Variants in WDPCP observed in about 807,000 individuals in gnomAD.
WDPCP encodes the protein WD repeat containing planar cell polarity effector.
A neutral mutation model predicts 93.1 loss-of-function variants in WDPCP; 71 were observed. The observed-to-expected ratio is 0.76, with a 90% confidence interval of 0.63 to 0.93. The LOEUF (loss-of-function observed/expected upper bound fraction) is 0.93. Among genes scored for constraint, WDPCP ranks in the 40% least tolerant of loss-of-function variants. The probability of loss-of-function intolerance (pLI) is 0.00; values close to 1 mark genes in which losing one functional copy is unlikely to be tolerated. For synonymous variants in WDPCP, 315 were observed against 315.0 expected, an observed-to-expected ratio of 1.00 and a Z score of 0.00; for missense variants, 844 against 887.4, an observed-to-expected ratio of 0.95 and a Z score of 0.62.
intron 10 of WDPCP, among the ~76,000 whole-genome samples, chr2:63,387,407 A>G (rs1692830446): frequency 6.6e-6 from 1 of 152,154 alleles, no homozygotes; most frequent in Non-Finnish European, 1.5e-5. Context: ...TAGACACAGA[A>G]AAGGCTTTCA....
intron 3 of WDPCP, chr2:63,595,356 GAA>G: frequency 1.0e-6 from 1 of 990,758 alleles, no homozygotes; most frequent in Non-Finnish European, 1.6e-6. Flanking sequence ...AAAACTATGT[GAA>G]AAGACTTTCT....
At chr2:63,324,511 G>C (rs1223056631) in intron 12 of WDPCP, among the ~76,000 whole-genome samples, 3 of 152,124 alleles carry the variant, frequency 2.0e-5, no homozygotes, top group African/African-American at 7.2e-5. Flanking sequence ...GGCAGACCTG[G>C]GAAAGTTTTC....
chr2:63,485,419 G>A (rs1191865202), intron 4 of WDPCP, among the ~76,000 whole-genome samples: 3 of 148,746 alleles, frequency 2.0e-5, no homozygotes, highest in Non-Finnish European at 4.5e-5. Context: ...GAAATAAAAT[G>A]AAAAGAAATA....
At chr2:63,577,408 A>G (rs1166217144) in intron 1 of WDPCP, among the ~76,000 whole-genome samples, 1 of 152,206 alleles carries the variant, frequency 6.6e-6, no homozygotes, top group Non-Finnish European at 1.5e-5. Context: ...GAGTTTGCTG[A>G]ATGGAAATGA....
chr2:63,592,605 C>T (rs1024773867), upstream of WDPCP, among the ~76,000 whole-genome samples: 5 of 152,228 alleles, frequency 3.3e-5, no homozygotes, highest in East Asian at 1.9e-4. Flanking sequence ...CTTGTCCCCC[C>T]GCGCAATGCG....
intron 2 of WDPCP, among the ~76,000 whole-genome samples, chr2:63,787,364 G>GT (rs145307022): frequency 0.11 from 16,858 of 152,178 alleles, 1,606 homozygotes; most frequent in African/African-American, 0.27. Flanking sequence ...GCTTAAGCAA[G>GT]TAGAGTGGAA....
chr2:63,277,020 G>T (rs928230906), intron 13 of WDPCP, among the ~76,000 whole-genome samples: 3 of 152,098 alleles, frequency 2.0e-5, no homozygotes, highest in Admixed American at 2.0e-4. Flanking sequence ...TCAGAGTAAC[G>T]CATATTTCTC....
intron 2 of WDPCP, among the ~76,000 whole-genome samples, chr2:63,754,813 C>T (rs890636685): frequency 1.7e-4 from 26 of 152,238 alleles, no homozygotes; most frequent in African/African-American, 6.3e-4. Flanking sequence ...GCATAACAAA[C>T]TTAGCAGCTT....
At chr2:63,628,835 C>A (rs1709836006) in intron 3 of WDPCP, among the ~76,000 whole-genome samples, 1 of 152,176 alleles carries the variant, frequency 6.6e-6, no homozygotes, top group Admixed American at 6.5e-5. Flanking sequence ...AAAGTGCCTC[C>A]TAAGAACCCA....
At chr2:63,622,299 A>G (rs1276418235) in intron 3 of WDPCP, 1 of 1,600,856 alleles carries the variant, frequency 6.2e-7, no homozygotes, top group East Asian at 2.2e-5. Context: ...GGCTGTCTCA[A>G]GTGTTTTGGA....
At chr2:63,511,365 T>C (rs565912312) in intron 1 of WDPCP, among the ~76,000 whole-genome samples, 27 of 152,276 alleles carry the variant, frequency 1.8e-4, no homozygotes, top group African/African-American at 5.1e-4. Context: ...CAAGCTACCA[T>C]TGACTTTCTT....
intron 10 of WDPCP, among the ~76,000 whole-genome samples, chr2:63,385,433 C>A (rs750988841): frequency 6.6e-6 from 1 of 152,056 alleles, no homozygotes; most frequent in Non-Finnish European, 1.5e-5. Flanking sequence ...AACAGGATTG[C>A]AGGATACATA....
At chr2:63,584,076 C>G (rs537174522) in intron 1 of WDPCP, among the ~76,000 whole-genome samples, 1 of 152,230 alleles carries the variant, frequency 6.6e-6, no homozygotes, top group Admixed American at 6.5e-5. Context: ...AGGAGGATCA[C>G]TTGAGCCCAG....
chr2:63,448,430 A>G (rs1698005536), intron 6 of WDPCP, among the ~76,000 whole-genome samples: 1 of 95,848 alleles, frequency 1.0e-5, no homozygotes, highest in Non-Finnish European at 2.0e-5. Context: ...TTAATTAAAA[A>G]TACATCAACA....
intron 12 of WDPCP, among the ~76,000 whole-genome samples, chr2:63,325,059 A>G (rs919332363): frequency 3.3e-5 from 5 of 152,214 alleles, no homozygotes; most frequent in African/African-American, 1.2e-4. Context: ...CAGGCCCTAA[A>G]CAAAATCTGG....
intron 9 of WDPCP, among the ~76,000 whole-genome samples, chr2:63,414,264 T>C (rs1695236594): frequency 6.6e-6 from 1 of 152,148 alleles, no homozygotes. Flanking sequence ...TGGAAAACAG[T>C]GTGGAGATTC....
rs562622447 is a variant in WDPCP at position 63,616,468 on chromosome 2, C to A, written n.488+34191G>T. Among the ~76,000 whole-genome samples the A allele has an allele frequency of 2.0e-5, 3 of 152,156 alleles. No individual in the cohort carries two copies. In the South Asian group the frequency reaches 6.2e-4, roughly 31 times the overall value. ...TAGACCCTCACCTTAGCCTAATAGG[C>A]TAGATTTCTTTTTAACATGCAAAAG... On this transcript the variant is annotated intron_variant and non_coding_transcript_variant, in intron 3 of 4. Coordinates refer to the WDPCP transcript ENST00000467687.
At chr2:63,174,321 AAAT>A (rs1351212645) in intron 15 of WDPCP, among the ~76,000 whole-genome samples, 14 of 152,092 alleles carry the variant, frequency 9.2e-5, no homozygotes, top group Non-Finnish European at 1.9e-4. Context: ...TGCATTAAAT[AAAT>A]ATTATATAAA....
chr2:63,166,497 C>T (rs933406795), intron 15 of WDPCP, among the ~76,000 whole-genome samples: 5 of 152,136 alleles, frequency 3.3e-5, no homozygotes, highest in African/African-American at 4.8e-5. Flanking sequence ...TTCTGCCTCC[C>T]GGGTTTCAGC....
Sources: gnomAD v4.1 joint callset for allele counts (sites outside exome capture counted in the v4.1 genomes callset) on GRCh38, gnomAD v4.1.1 for gene constraint, MANE v1.5 for transcripts, NCBI Gene and HGNC (gene_info 2026-07-23, HGNC 2026-07-21) for gene names.